C1QTNF7: variants seen among roughly 807,000 people sequenced by gnomAD.
C1QTNF7 encodes C1q and TNF related 7, also known as complement C1q tumor necrosis factor-related protein 7.
Under a neutral mutation model 19.6 loss-of-function variants are expected in C1QTNF7, and 15 were observed. The ratio of observed to expected loss-of-function variants is 0.76; its 90% CI spans 0.51 to 1.18. The LOEUF is 1.18. Among genes scored for constraint, C1QTNF7 ranks in the 50% most tolerant of loss-of-function variants. The pLI, the probability that C1QTNF7 is intolerant of heterozygous loss-of-function variation, is 0.00. For synonymous variants in C1QTNF7, 142 were observed against 137.5 expected, an observed-to-expected ratio of 1.03 and a Z score of -0.23; for missense variants, 324 against 359.7, an observed-to-expected ratio of 0.90 and a Z score of 0.80.
chr4:15,341,770 C>T (rs1476719314), intron 1 of C1QTNF7, among the ~76,000 whole-genome samples: 1 of 152,212 alleles, frequency 6.6e-6, no homozygotes, highest in East Asian at 1.9e-4. Context: ...GTGGGGTCTC[C>T]GGGGCCCCAC....
At chr4:15,340,294 C>G in intron 1 of C1QTNF7, 2 of 1,457,660 alleles carry the variant, frequency 1.4e-6, no homozygotes, top group Non-Finnish European at 1.9e-6. Context: ...CTTAAGAAAG[C>G]TCCTTGTAAA....
chr4:15,400,918 A>G (rs898610576), intron 1 of C1QTNF7, among the ~76,000 whole-genome samples: 2 of 152,216 alleles, frequency 1.3e-5, no homozygotes, highest in Non-Finnish European at 2.9e-5. Context: ...ATAAGGCTTC[A>G]GATTTCACCA....
intron 1 of C1QTNF7, among the ~76,000 whole-genome samples, chr4:15,395,896 TCA>T (rs755585545): frequency 3.3e-5 from 5 of 152,160 alleles, no homozygotes; most frequent in Non-Finnish European, 5.9e-5. Context: ...ACGTTAAACC[TCA>T]GTCTTTTTGA....
intron 1 of C1QTNF7, among the ~76,000 whole-genome samples, chr4:15,371,317 C>A (rs1300136365): frequency 1.3e-5 from 2 of 152,230 alleles, no homozygotes; most frequent in Admixed American, 1.3e-4. Context: ...AATAAAGGGG[C>A]CTCATTAGAC....
At chr4:15,405,490 G>A (rs2465499) in intron 1 of C1QTNF7, among the ~76,000 whole-genome samples, 3,129 of 152,270 alleles carry the variant, frequency 0.021, 105 homozygotes, top group African/African-American at 0.072. Context: ...CAGTAGAATC[G>A]GCACTCTGGT....
rs533903410 is a variant in C1QTNF7, at chr4:15,383,580, G to C, written c.13+43373G>C. 5.9e-5 allele frequency among the ~76,000 whole-genome samples: 9 copies of C among 152,290 alleles called. No individual in the cohort carries two copies. In the East Asian group the frequency reaches 1.7e-3, roughly 29 times the overall value. On this transcript the variant is annotated intron_variant, in intron 1 of 2. Coordinates refer to the C1QTNF7 transcript ENST00000295297. The stretch of plus-strand genomic sequence containing the variant: ...AATGGCCAATCTCCAACTCCTAGCT[G>C]GCCTTAGCCAGAACACTGTAGAAAC...
chr4:15,439,554 G>A (rs1346056786), intron 2 of C1QTNF7, among the ~76,000 whole-genome samples: 1 of 152,156 alleles, frequency 6.6e-6, no homozygotes, highest in Admixed American at 6.5e-5. Context: ...ATTGGACTTA[G>A]ATCCAATCTC....
intron 1 of C1QTNF7, among the ~76,000 whole-genome samples, chr4:15,422,412 A>T (rs1027927073): frequency 1.1e-4 from 16 of 152,156 alleles, no homozygotes; most frequent in African/African-American, 3.4e-4. Context: ...AAAAGAGCTT[A>T]CTTGGAAAAT....
intron 1 of C1QTNF7, among the ~76,000 whole-genome samples, chr4:15,365,389 A>G (rs1717476854): frequency 6.6e-6 from 1 of 152,174 alleles, no homozygotes; most frequent in Non-Finnish European, 1.5e-5. Flanking sequence ...TCACCTGTGC[A>G]ATAGAGATAA....
At chr4:15,392,524 C>T (rs772998807) in intron 1 of C1QTNF7, among the ~76,000 whole-genome samples, 6 of 152,210 alleles carry the variant, frequency 3.9e-5, no homozygotes, top group Admixed American at 6.5e-5. Context: ...TTCCAAGAAG[C>T]CCTGAGGCAC....
intron 1 of C1QTNF7, among the ~76,000 whole-genome samples, chr4:15,369,971 A>G (rs1442890338): frequency 2.6e-5 from 4 of 152,238 alleles, no homozygotes; most frequent in Non-Finnish European, 5.9e-5. Context: ...TAAAGAATCT[A>G]TACATGAGAT....
intron 1 of C1QTNF7, among the ~76,000 whole-genome samples, chr4:15,388,734 T>C (rs1467249673): frequency 6.6e-6 from 1 of 152,114 alleles, no homozygotes; most frequent in Non-Finnish European, 1.5e-5. Flanking sequence ...ATGTGATGAG[T>C]CTTCCAAGTA....
chr4:15,351,150 TCTTTTAGGGATATGAAA>T (rs1381570344), intron 1 of C1QTNF7, among the ~76,000 whole-genome samples: 2 of 152,228 alleles, frequency 1.3e-5, no homozygotes, highest in African/African-American at 4.8e-5. Context: ...AATTGCTGTT[TCTTTTAGGGATATGAAA>T]CAGAAAAGAA....
intron 1 of C1QTNF7, among the ~76,000 whole-genome samples, chr4:15,394,472 A>T (rs1331074602): frequency 6.6e-6 from 1 of 152,208 alleles, no homozygotes; most frequent in Non-Finnish European, 1.5e-5. Flanking sequence ...GTATGTTTGG[A>T]TTCCATTTCA....
chr4:15,420,921 G>C (rs13132604), intron 1 of C1QTNF7, among the ~76,000 whole-genome samples: 1 of 139,482 alleles, frequency 7.2e-6, no homozygotes, highest in African/African-American at 2.8e-5. Flanking sequence ...CCCAGCTCTC[G>C]CTCCAATGTG....
chr4:15,400,736 C>A (rs1377043845), intron 1 of C1QTNF7, among the ~76,000 whole-genome samples: 2 of 152,216 alleles, frequency 1.3e-5, no homozygotes, highest in Non-Finnish European at 2.9e-5. Context: ...GCAGCACTAA[C>A]CAACAAATCC....
At chr4:15,408,447 C>T (rs1297219983) in intron 1 of C1QTNF7, among the ~76,000 whole-genome samples, 1 of 151,342 alleles carries the variant, frequency 6.6e-6, no homozygotes, top group Non-Finnish European at 1.5e-5. Flanking sequence ...ATATTTGTCT[C>T]TTAAGAAAAA....
intron 2 of C1QTNF7, among the ~76,000 whole-genome samples, chr4:15,437,523 G>A (rs541817390): frequency 7.2e-5 from 11 of 152,126 alleles, no homozygotes; most frequent in South Asian, 2.1e-4. Context: ...TTGGTAATTC[G>A]TTTCATGAGG....
intron 1 of C1QTNF7, among the ~76,000 whole-genome samples, chr4:15,347,895 G>A (rs1433043824): frequency 6.6e-6 from 1 of 152,114 alleles, no homozygotes; most frequent in Non-Finnish European, 1.5e-5. Flanking sequence ...GCCTGTTTTA[G>A]TTCATAGTTA....
Sources: allele counts gnomAD v4.1 joint callset (sites outside exome capture counted in the v4.1 genomes callset), GRCh38; gene constraint gnomAD v4.1.1; transcripts MANE v1.5; gene names NCBI Gene and HGNC (gene_info 2026-07-23, HGNC 2026-07-21).